RARB: variants seen among roughly 807,000 people sequenced by gnomAD.
RARB encodes the protein HBV-activated protein.
A neutral mutation model predicts 51.9 loss-of-function variants in RARB; 17 were observed. That is an observed-to-expected ratio of 0.33 (90% CI 0.22 to 0.49). The LOEUF is 0.49. RARB is among the 20% of genes least tolerant of loss of function. The pLI, the probability that RARB is intolerant of heterozygous loss-of-function variation, is 0.99. For synonymous variants in RARB, 215 were observed against 195.4 expected (o/e 1.10, Z -0.84); for missense variants, 369 against 550.8 (o/e 0.67, Z 3.30).
intron 1 of RARB, among the ~76,000 whole-genome samples, chr3:25,449,547 C>T (rs1029024301): frequency 1.3e-5 from 2 of 152,146 alleles, no homozygotes; most frequent in African/African-American, 4.8e-5. Flanking sequence ...GAGTTCTGCA[C>T]AGTCCTAAGA....
intron 5 of RARB, among the ~76,000 whole-genome samples, chr3:25,315,437 G>A (rs1704397654): frequency 6.6e-6 from 1 of 152,166 alleles, no homozygotes; most frequent in South Asian, 2.1e-4. Context: ...CCAGGTCTTG[G>A]AAGGGGTCTG....
chr3:25,471,839 A>G (rs1389347248), intron 2 of RARB, among the ~76,000 whole-genome samples: 1 of 152,226 alleles, frequency 6.6e-6, no homozygotes, highest in Non-Finnish European at 1.5e-5. Flanking sequence ...AAAAGTTAAG[A>G]GAGCTTTCCA....
chr3:25,074,194 A>T lies in RARB; in HGVS notation c.-328+14018A>T, dbSNP rs531318264. Reference sequence around the variant, plus strand: ...GAAAACTACTAACACACAAAGGAATAGTGTTTCCTCCCCATAAGGGTTTTT... The same window carrying T: ...GAAAACTACTAACACACAAAGGAATTGTGTTTCCTCCCCATAAGGGTTTTT... On this transcript the variant is annotated intron_variant, in intron 3 of 11. Coordinates refer to the RARB transcript ENST00000383772. Among the ~76,000 whole-genome samples the T allele has an allele frequency of 2.8e-4, 42 of 152,366 alleles. 1 individual carries two copies. In the South Asian group the frequency reaches 8.7e-3, roughly 32 times the overall value.
rs182896551 is a variant in RARB at position 25,157,965 on chromosome 3, T to G, written c.-279-16154T>G. 3.9e-5 allele frequency among the ~76,000 whole-genome samples: 6 copies of G among 152,340 alleles called. No individual in the cohort carries two copies. The East Asian group carries it at 5.8e-4, about 15-fold the overall frequency. On this transcript the variant is annotated intron_variant, in intron 4 of 11. Coordinates refer to the RARB transcript ENST00000383772. ...CAGAATGTCTGTAATTTAACACAGTTTGAATTAATAACTTTTCCAAAGTGT... is the reference window on the plus strand; with the variant it reads ...CAGAATGTCTGTAATTTAACACAGTGTGAATTAATAACTTTTCCAAAGTGT...
At chr3:25,449,913 T>A (rs774298803) in intron 1 of RARB, among the ~76,000 whole-genome samples, 8 of 152,024 alleles carry the variant, frequency 5.3e-5, no homozygotes, top group Non-Finnish European at 7.4e-5. Flanking sequence ...CACCACAAAT[T>A]TTTTTTGTGT....
intron 2 of RARB, among the ~76,000 whole-genome samples, chr3:25,050,083 G>C (rs976017938): frequency 6.6e-6 from 1 of 152,092 alleles, no homozygotes; most frequent in Non-Finnish European, 1.5e-5. Flanking sequence ...GGTGAGGAAG[G>C]GTATTTTGGA....
intron 3 of RARB, among the ~76,000 whole-genome samples, chr3:25,557,940 C>T (rs958423360): frequency 2.0e-5 from 3 of 152,142 alleles, no homozygotes; most frequent in Non-Finnish European, 2.9e-5. Flanking sequence ...GGAAAGCACT[C>T]GGTTCTCCCA....
At chr3:25,110,766 A>T (rs961500855) in intron 3 of RARB, among the ~76,000 whole-genome samples, 7 of 152,196 alleles carry the variant, frequency 4.6e-5, no homozygotes, top group African/African-American at 1.4e-4. Flanking sequence ...AAACCAATCA[A>T]GTGTTAGTGG....
intron 5 of RARB, among the ~76,000 whole-genome samples, chr3:25,402,585 A>T (rs1707292643): frequency 6.6e-6 from 1 of 152,240 alleles, no homozygotes; most frequent in Non-Finnish European, 1.5e-5. Context: ...GGATAAAGAA[A>T]ATGTGATACA....
At chr3:24,878,089 A>G (rs533551245) in intron 2 of RARB, among the ~76,000 whole-genome samples, 1 of 152,300 alleles carries the variant, frequency 6.6e-6, no homozygotes, top group Admixed American at 6.5e-5. Context: ...TTTTGAGGCT[A>G]TGTCGTTAGC....
intron 5 of RARB, among the ~76,000 whole-genome samples, chr3:25,253,109 A>G (rs542544739): frequency 6.6e-6 from 1 of 152,226 alleles, no homozygotes; most frequent in African/African-American, 2.4e-5. Flanking sequence ...TAATTATCCC[A>G]TTTGCCTAAT....
chr3:25,086,535 C>T (rs966570651), intron 3 of RARB, among the ~76,000 whole-genome samples: 7 of 152,130 alleles, frequency 4.6e-5, no homozygotes, highest in African/African-American at 1.4e-4. Context: ...ATATGAGTGA[C>T]CGTGGCTGGT....
intron 2 of RARB, 72 bp downstream of exon 2, chr3:25,461,413 T>A: frequency 6.6e-7 from 1 of 1,525,942 alleles, no homozygotes; most frequent in Admixed American, 2.0e-5. Flanking sequence ...CCTACCCAGT[T>A]CCAAAAATGG....
At chr3:24,836,467 G>C (rs1299715377) in intron 1 of RARB, among the ~76,000 whole-genome samples, 1 of 152,170 alleles carries the variant, frequency 6.6e-6, no homozygotes, top group Non-Finnish European at 1.5e-5. Context: ...TGGAGATCCT[G>C]TTTCTACCCT....
At chr3:25,245,384 C>T (rs1435913624) in intron 5 of RARB, among the ~76,000 whole-genome samples, 1 of 152,094 alleles carries the variant, frequency 6.6e-6, no homozygotes, top group African/African-American at 2.4e-5. Context: ...AGTTGATGCA[C>T]TATCTTCATA....
chr3:24,843,326 T>C (rs13321469), intron 1 of RARB, among the ~76,000 whole-genome samples: 1 of 152,134 alleles, frequency 6.6e-6, no homozygotes, highest in South Asian at 2.1e-4. Flanking sequence ...AGATAAAACA[T>C]TAATTTTAAA....
At chr3:24,938,017 G>A (rs1179670337) in intron 2 of RARB, among the ~76,000 whole-genome samples, 2 of 144,846 alleles carry the variant, frequency 1.4e-5, no homozygotes, top group Middle Eastern at 3.4e-3. Flanking sequence ...TGTATCGATT[G>A]GAATGTGTAC....
chr3:25,472,031 T>G (rs1175401957), intron 2 of RARB, among the ~76,000 whole-genome samples: 1 of 152,180 alleles, frequency 6.6e-6, no homozygotes. Context: ...TGTAAAACCA[T>G]GGAAATAATA....
At chr3:24,999,725 T>C (rs547903841) in intron 2 of RARB, among the ~76,000 whole-genome samples, 16 of 152,120 alleles carry the variant, frequency 1.1e-4, no homozygotes, top group Non-Finnish European at 1.9e-4. Flanking sequence ...ACTTAATTCT[T>C]CCCTGTAGCC....
Sources: gnomAD v4.1 joint callset for allele counts (sites outside exome capture counted in the v4.1 genomes callset) on GRCh38, gnomAD v4.1.1 for gene constraint, MANE v1.5 for transcripts, NCBI Gene and HGNC (gene_info 2026-07-23, HGNC 2026-07-21) for gene names.